The following KHDRBS3 variants were observed in gnomAD, a reference collection of about 807,000 sequenced individuals.
The protein encoded by KHDRBS3 is KH RNA binding domain containing, signal transduction associated 3.
A neutral mutation model predicts 45.6 loss-of-function variants in KHDRBS3; 23 were observed. The ratio of observed to expected loss-of-function variants is 0.50; its 90% CI spans 0.36 to 0.72. The LOEUF (loss-of-function observed/expected upper bound fraction) is 0.72. KHDRBS3 is among the 30% of genes least tolerant of loss of function. KHDRBS3 has a pLI of 0.00. For missense variants in KHDRBS3, 352 were observed against 424.8 expected (o/e 0.83, Z 1.51); for synonymous variants, 162 against 156.5 (o/e 1.04, Z -0.26).
At chr8:135,651,079 A>T (rs907050247), downstream of KHDRBS3, among the ~76,000 whole-genome samples, 2 of 152,030 alleles carry the variant, frequency 1.3e-5, no homozygotes, top group Non-Finnish European at 2.9e-5. Context: ...TGGAAGGGAG[A>T]TGTGTAACCC....
chr8:135,467,173 A>G lies in KHDRBS3; in HGVS notation c.88+9219A>G, dbSNP rs374288231. Among the ~76,000 whole-genome samples the G allele has an allele frequency of 1.4e-4, 22 of 152,352 alleles. No homozygotes were observed. In the East Asian group the frequency reaches 1.9e-3, roughly 13 times the overall value. Reference sequence around the variant, plus strand: ...CAAGATTAAATGACAGTGGTTTCGTATTTGTTTAATTTCACTATAAATTTT... The same window carrying G: ...CAAGATTAAATGACAGTGGTTTCGTGTTTGTTTAATTTCACTATAAATTTT... On this transcript the variant is annotated intron_variant, in intron 1 of 8. Coordinates refer to ENST00000355849, the MANE Select transcript of KHDRBS3 (RefSeq NM_006558.3).
At chr8:135,653,897 C>T (rs893504749) in intron 4 of KHDRBS3, among the ~76,000 whole-genome samples, 8 of 151,898 alleles carry the variant, frequency 5.3e-5, no homozygotes, top group Non-Finnish European at 8.8e-5. Context: ...ATGATAAATG[C>T]GAAGTTGGAA....
At chr8:135,639,601 C>A (rs1198929611) in intron 7 of KHDRBS3, among the ~76,000 whole-genome samples, 2 of 152,110 alleles carry the variant, frequency 1.3e-5, no homozygotes, top group African/African-American at 4.8e-5. Context: ...TGTATTCAAG[C>A]CATTTTTGCA....
chr8:135,629,738 A>T (rs1281243783), intron 7 of KHDRBS3, among the ~76,000 whole-genome samples: 9 of 152,240 alleles, frequency 5.9e-5, no homozygotes, highest in Admixed American at 5.9e-4. Flanking sequence ...GCAAAGAAAT[A>T]CTGAAGTTAT....
intron 2 of KHDRBS3, among the ~76,000 whole-genome samples, chr8:135,537,272 G>T (rs1825828886): frequency 6.6e-6 from 1 of 152,182 alleles, no homozygotes; most frequent in African/African-American, 2.4e-5. Context: ...AGGTCAGTAA[G>T]ATATCCCTTT....
At position 135,545,269 on chromosome 8, in the gene KHDRBS3, T is replaced by C. The variant is rs566668301; in HGVS notation, c.324+2499T>C. Reference sequence around the variant, plus strand: ...AGATTGATCGTAGGCCAGGAGATGATAAGGAGGAGGAGTAGTGAAGCATGA... The same window carrying C: ...AGATTGATCGTAGGCCAGGAGATGACAAGGAGGAGGAGTAGTGAAGCATGA... On this transcript the variant is annotated intron_variant, in intron 3 of 8. Transcript: ENST00000355849. Among the ~76,000 whole-genome samples the C allele has an allele frequency of 2.0e-5, 3 of 152,160 alleles. No individual in the cohort carries two copies. The South Asian group carries it at 6.2e-4, about 32-fold the overall frequency.
chr8:135,474,564 T>C (rs1822175212), intron 1 of KHDRBS3, among the ~76,000 whole-genome samples: 1 of 152,230 alleles, frequency 6.6e-6, no homozygotes, highest in African/African-American at 2.4e-5. Flanking sequence ...AAATTCTTTG[T>C]GGCAAGTCCT....
chr8:135,485,791 T>G (rs1357815170), intron 1 of KHDRBS3, among the ~76,000 whole-genome samples: 2 of 148,838 alleles, frequency 1.3e-5, no homozygotes, highest in African/African-American at 5.0e-5. Flanking sequence ...TACTTCATTT[T>G]AGCATCCTAG....
intron 7 of KHDRBS3, among the ~76,000 whole-genome samples, chr8:135,619,178 T>A (rs1251926980): frequency 6.6e-6 from 1 of 152,170 alleles, no homozygotes; most frequent in Admixed American, 6.5e-5. Flanking sequence ...AGGAAAATAA[T>A]CATTAAAACT....
At chr8:135,648,736 A>C (rs1247674452), downstream of KHDRBS3, 1 of 152,188 alleles carries the variant, frequency 6.6e-6, no homozygotes, top group Non-Finnish European at 1.5e-5. Context: ...GATTAACTCC[A>C]AAGGTCAGAA....
At chr8:135,509,222 A>C (rs546061894) in intron 1 of KHDRBS3, among the ~76,000 whole-genome samples, 1 of 152,334 alleles carries the variant, frequency 6.6e-6, no homozygotes, top group East Asian at 1.9e-4. Context: ...AATTTGTTTC[A>C]TTGACTTGTT....
chr8:135,648,020 C>T (rs1239968292), downstream of KHDRBS3: 1 of 152,176 alleles, frequency 6.6e-6, no homozygotes, highest in Non-Finnish European at 1.5e-5. Flanking sequence ...ATGCTGGAAG[C>T]ACTAAGCACA....
intron 1 of KHDRBS3, among the ~76,000 whole-genome samples, chr8:135,486,807 A>G (rs1462300818): frequency 6.6e-6 from 1 of 152,236 alleles, no homozygotes; most frequent in African/African-American, 2.4e-5. Context: ...ACAGAAATTG[A>G]TGTGGAGAAA....
At chr8:135,553,984 A>G (rs1826748027) in intron 4 of KHDRBS3, among the ~76,000 whole-genome samples, 1 of 152,190 alleles carries the variant, frequency 6.6e-6, no homozygotes, top group African/African-American at 2.4e-5. Context: ...TCAAAGACCA[A>G]GAAACTACTA....
intron 1 of KHDRBS3, among the ~76,000 whole-genome samples, chr8:135,461,905 T>G (rs1487198653): frequency 6.6e-6 from 1 of 152,258 alleles, no homozygotes; most frequent in Non-Finnish European, 1.5e-5. Flanking sequence ...ATGGTTTTTA[T>G]ATCAGTTTCT....
At chr8:135,626,517 G>T (rs1830367386) in intron 7 of KHDRBS3, among the ~76,000 whole-genome samples, 1 of 152,192 alleles carries the variant, frequency 6.6e-6, no homozygotes, top group Non-Finnish European at 1.5e-5. Flanking sequence ...AAGAGGCACA[G>T]TGGGGGCCGG....
At chr8:135,550,122 A>G (rs942038431) in intron 4 of KHDRBS3, 2 of 152,196 alleles carry the variant, frequency 1.3e-5, no homozygotes, top group Non-Finnish European at 2.9e-5. Flanking sequence ...GCGAGACCAC[A>G]GCTAAGGAGA....
intron 1 of KHDRBS3, among the ~76,000 whole-genome samples, chr8:135,462,691 T>TA (rs1484095122): frequency 5.9e-5 from 9 of 152,216 alleles, no homozygotes; most frequent in Non-Finnish European, 1.3e-4. Flanking sequence ...AGCCTAGTTT[T>TA]TCAGTTGTAG....
chr8:135,562,535 C>CT (rs35589580), intron 5 of KHDRBS3, among the ~76,000 whole-genome samples: 27,562 of 152,060 alleles, frequency 0.18, 2,609 homozygotes, highest in East Asian at 0.35. Flanking sequence ...TTATTTACTC[C>CT]TTTTTTTCAT....
Sources: allele counts gnomAD v4.1 joint callset (sites outside exome capture counted in the v4.1 genomes callset), GRCh38; gene constraint gnomAD v4.1.1; transcripts MANE v1.5; gene names NCBI Gene and HGNC (gene_info 2026-07-23, HGNC 2026-07-21).